The following APC variants were observed in gnomAD, a reference collection of about 807,000 sequenced individuals.
APC encodes the protein adenomatous polyposis coli protein.
APC carries 72 observed loss-of-function variants against 247.0 expected under a neutral mutation model. The ratio of observed to expected loss-of-function variants is 0.29; its 90% CI spans 0.24 to 0.35. The LOEUF (loss-of-function observed/expected upper bound fraction) is 0.35. Among genes scored for constraint, APC ranks in the 10% least tolerant of loss-of-function variants. The pLI, the probability that APC is intolerant of heterozygous loss-of-function variation, is 1.00. For missense variants in APC, 3,400 were observed against 3,360.7 expected, an observed-to-expected ratio of 1.01 and a Z score of -0.29; for synonymous variants, 1,254 against 1,162.5, an observed-to-expected ratio of 1.08 and a Z score of -1.60.
At chr5:112,795,268 T>C (rs1220999904) in intron 7 of APC, among the ~76,000 whole-genome samples, 1 of 152,128 alleles carries the variant, frequency 6.6e-6, no homozygotes, top group Non-Finnish European at 1.5e-5. Flanking sequence ...CCTCATGATC[T>C]GCCCGCCTCG....
At chr5:112,795,403 A>G (rs919048997) in intron 7 of APC, among the ~76,000 whole-genome samples, 1 of 152,202 alleles carries the variant, frequency 6.6e-6, no homozygotes, top group African/African-American at 2.4e-5. Flanking sequence ...TTGAAATTTT[A>G]TTCTGTAGGC....
chr5:112,715,989 T>G (rs1040724164), intron 1 of APC, among the ~76,000 whole-genome samples: 18 of 152,230 alleles, frequency 1.2e-4, no homozygotes, highest in Non-Finnish European at 1.5e-5. Flanking sequence ...ATATCTGACG[T>G]AGGTTATTTG....
chr5:112,834,562 A>T (rs770870250), intron 14 of APC, among the ~76,000 whole-genome samples: 1 of 151,280 alleles, frequency 6.6e-6, no homozygotes, highest in Non-Finnish European at 1.5e-5. Context: ...GCCTTAATCC[A>T]CTTCCTGTTC....
rs369834416 is a variant in APC at position 112,839,123 on chromosome 5, A to G, written c.3529A>G (p.Ile1177Val). The G allele has an allele frequency of 3.7e-5, 59 of 1,614,024 alleles. No homozygotes were observed. The highest frequency in any genetic ancestry group is 2.9e-4 in the South Asian group (26 of 91,084). ...AGAGAAACGTCATGTGGATCAGCCT[A>G]TTGATTATAGTTTAAAATATGCCAC... ...NEEKRHVDQP[I>V]DYSLKYATDI... The change falls in exon 16 of 16, where the codon ATT (isoleucine) becomes GTT (valine). Residue 1177 changes from isoleucine to valine, a missense_variant. Ile to Val is a conservative substitution (Grantham distance 29, BLOSUM62 3). Coordinates refer to ENST00000257430, the MANE Select transcript of APC (RefSeq NM_000038.6). The surrounding 1 kb of genome is among the most constrained non-coding windows in gnomAD (Gnocchi z 5.0).
At chr5:112,733,858 T>C (rs1465931065), upstream of APC, among the ~76,000 whole-genome samples, 1 of 152,218 alleles carries the variant, frequency 6.6e-6, no homozygotes, top group East Asian at 1.9e-4. Context: ...TAGAAAGACA[T>C]GGAATGTTCT....
intron 1 of APC, among the ~76,000 whole-genome samples, chr5:112,742,633 A>G (rs534141384): frequency 3.3e-4 from 50 of 152,256 alleles, no homozygotes; most frequent in South Asian, 1.0e-3. Flanking sequence ...GGGCCTCTCC[A>G]TGGGGCTGCT....
chr5:112,739,778 T>C (rs1233521803), intron 1 of APC, among the ~76,000 whole-genome samples: 3 of 152,214 alleles, frequency 2.0e-5, no homozygotes, highest in Non-Finnish European at 4.4e-5. Flanking sequence ...CACATTAAAA[T>C]TCCAAATGAC....
intron 14 of APC, among the ~76,000 whole-genome samples, chr5:112,831,113 A>T (rs984022744): frequency 5.5e-5 from 8 of 145,926 alleles, no homozygotes; most frequent in Non-Finnish European, 1.1e-4. Context: ...TCTTCTATAA[A>T]TTTTTTTTTT....
intron 1 of APC, among the ~76,000 whole-genome samples, chr5:112,742,888 A>G (rs1457099458): frequency 1.3e-5 from 2 of 152,214 alleles, no homozygotes; most frequent in Non-Finnish European, 2.9e-5. Context: ...CACTGGATTT[A>G]TCCCTAGGAG....
intron 1 of APC, among the ~76,000 whole-genome samples, chr5:112,709,568 C>T (rs1280114895): frequency 6.6e-6 from 1 of 152,108 alleles, no homozygotes; most frequent in African/African-American, 2.4e-5. Context: ...TGATTTGTAG[C>T]TCTGTATCAA....
chr5:112,707,585 CG>C (rs565045828), exon 1 of APC: 38 of 967,392 alleles, frequency 3.9e-5, no homozygotes, highest in South Asian at 1.2e-4. Flanking sequence ...AGCCGCTGCT[CG>C]GGGGGGACCT....
At chr5:112,733,808 A>G (rs1279617166), upstream of APC, among the ~76,000 whole-genome samples, 2 of 152,234 alleles carry the variant, frequency 1.3e-5, no homozygotes, top group Admixed American at 6.5e-5. Flanking sequence ...AGGGCACTCC[A>G]TGACTAAACT....
intron 8 of APC, among the ~76,000 whole-genome samples, chr5:112,802,441 G>A (rs925161505): frequency 6.6e-6 from 1 of 152,024 alleles, no homozygotes; most frequent in Non-Finnish European, 1.5e-5. Flanking sequence ...CTACACATAT[G>A]TAGAAGGAAG....
chr5:112,737,701 C>T (rs1752485597), upstream of APC, among the ~76,000 whole-genome samples: 1 of 152,342 alleles, frequency 6.6e-6, no homozygotes, highest in Admixed American at 6.5e-5. Context: ...GCAGGCTGTG[C>T]GGTTGGGCGG....
intron 6 of APC, among the ~76,000 whole-genome samples, chr5:112,789,946 G>A (rs148006465): frequency 0.015 from 2,202 of 151,236 alleles, 42 homozygotes; most frequent in East Asian, 0.079. Context: ...TGCAACCTCC[G>A]CCTCCCAGGC....
intron 1 of APC, among the ~76,000 whole-genome samples, chr5:112,752,394 A>G (rs1195578484): frequency 6.6e-6 from 1 of 152,130 alleles, no homozygotes; most frequent in East Asian, 1.9e-4. Context: ...TTACTTGTAA[A>G]TTTATTTTCT....
At chr5:112,765,927 T>G (rs1756248611) in intron 2 of APC, among the ~76,000 whole-genome samples, 1 of 152,144 alleles carries the variant, frequency 6.6e-6, no homozygotes, top group African/African-American at 2.4e-5. Flanking sequence ...AATTTGGTGT[T>G]TTTTATGGTC....
At chr5:112,830,454 G>A (rs1265544445) in intron 14 of APC, among the ~76,000 whole-genome samples, 1 of 152,108 alleles carries the variant, frequency 6.6e-6, no homozygotes, top group Non-Finnish European at 1.5e-5. Flanking sequence ...TCTGCTAGTG[G>A]GAATATAAAA....
At chr5:112,713,185 A>C (rs1213247884) in intron 1 of APC, among the ~76,000 whole-genome samples, 2 of 151,816 alleles carry the variant, frequency 1.3e-5, no homozygotes, top group African/African-American at 4.8e-5. Context: ...AAAAAAAAAA[A>C]ACCAGTATCT....
Sources: allele counts gnomAD v4.1 joint callset (sites outside exome capture counted in the v4.1 genomes callset), GRCh38; gene constraint gnomAD v4.1.1; non-coding constraint Gnocchi (gnomAD v3.1); transcripts MANE v1.5; gene names NCBI Gene and HGNC (gene_info 2026-07-23, HGNC 2026-07-21).